The following KIF1A variants were observed in gnomAD, a reference collection of about 807,000 sequenced individuals.
KIF1A encodes kinesin family member 1A.
A neutral mutation model predicts 227.3 loss-of-function variants in KIF1A; 46 were observed. The ratio of observed to expected loss-of-function variants is 0.20; its 90% confidence interval spans 0.16 to 0.26. KIF1A has a LOEUF of 0.26. Among genes scored for constraint, KIF1A ranks in the 10% least tolerant of loss-of-function variants. The pLI is 1.00. For synonymous variants in KIF1A, 1,022 were observed against 1,012.8 expected, an observed-to-expected ratio of 1.01 and a Z score of -0.17; for missense variants, 1,683 against 2,485.9, an observed-to-expected ratio of 0.68 and a Z score of 6.87.
At chr2:240,802,098 A>C (rs77589509) in intron 1 of KIF1A, among the ~76,000 whole-genome samples, 4 of 58,634 alleles carry the variant, frequency 6.8e-5, no homozygotes, top group Non-Finnish European at 1.3e-4. Flanking sequence ...GTCAGCCAGA[A>C]AAAAAAAAAA....
chr2:240,764,246 C>T lies in KIF1A; in HGVS notation c.1769-900G>A, dbSNP rs181840993. ...TTCCTCTGTCCTCCCTGTCCACAGG[C>T]CGTATGCAGCCCACCTCGGACACTG... On this transcript the variant is annotated intron_variant, in intron 20 of 48. Coordinates refer to ENST00000498729, the MANE Select transcript of KIF1A (RefSeq NM_001244008.2). Among the ~76,000 whole-genome samples the T allele has an allele frequency of 8.5e-5, 13 of 152,306 alleles. No homozygotes were observed. In the East Asian group the frequency reaches 2.5e-3, roughly 29 times the overall value.
At chr2:240,721,252 T>C (rs1211581108) in intron 44 of KIF1A, among the ~76,000 whole-genome samples, 2 of 152,016 alleles carry the variant, frequency 1.3e-5, no homozygotes, top group African/African-American at 2.4e-5. Flanking sequence ...CACTTCAGGC[T>C]CTGGCCTGAC....
At chr2:240,782,173 G>A (rs2054129491) in intron 10 of KIF1A, 1 of 985,274 alleles carries the variant, frequency 1.0e-6, no homozygotes, top group Non-Finnish European at 1.2e-6. Flanking sequence ...ACACGCGCCC[G>A]CCTCCCCCTG....
At chr2:240,806,818 C>T (rs1438077911) in intron 1 of KIF1A, among the ~76,000 whole-genome samples, 3 of 151,958 alleles carry the variant, frequency 2.0e-5, no homozygotes, top group Non-Finnish European at 4.4e-5. Flanking sequence ...AATCTACCCA[C>T]AAAAAAAGGC....
chr2:240,765,670 C>T (rs2051083251), intron 20 of KIF1A, 40 bp downstream of exon 20: 1 of 1,517,022 alleles, frequency 6.6e-7, no homozygotes, highest in Admixed American at 1.7e-5. Flanking sequence ...CGCCTCATGC[C>T]TCTGCCTACC....
intron 27 of KIF1A, 73 bp from the exon 28 acceptor site, chr2:240,750,620 G>T: frequency 9.0e-7 from 1 of 1,107,720 alleles, no homozygotes; most frequent in Non-Finnish European, 1.4e-6. Flanking sequence ...GTGGCAGCAT[G>T]GCCTGGCTCA....
At chr2:240,782,181 C>T (rs1004115207) in intron 10 of KIF1A, 6 of 985,284 alleles carry the variant, frequency 6.1e-6, no homozygotes, top group African/African-American at 1.7e-5. Flanking sequence ...CCGCCTCCCC[C>T]TGTGGCCCCG....
intron 1 of KIF1A, among the ~76,000 whole-genome samples, chr2:240,811,688 G>A (rs1353736723): frequency 6.6e-6 from 1 of 152,176 alleles, no homozygotes; most frequent in Non-Finnish European, 1.5e-5. Context: ...GTCCTGTGGG[G>A]TGAGGTCACG....
At chr2:240,786,968 G>A (rs558915632) in intron 5 of KIF1A, among the ~76,000 whole-genome samples, 4 of 152,166 alleles carry the variant, frequency 2.6e-5, no homozygotes, top group Non-Finnish European at 4.4e-5. Flanking sequence ...CCCCAGCCAC[G>A]GCAGGCATGG....
intron 31 of KIF1A, 76 bp downstream of exon 31, chr2:240,745,662 C>T (rs911193785): frequency 3.9e-6 from 6 of 1,549,870 alleles, no homozygotes; most frequent in East Asian, 2.4e-5. Flanking sequence ...CTGCTCCCTG[C>T]CCAGCACCCA....
At position 240,775,783 on chromosome 2, in the gene KIF1A, T is replaced by C; in HGVS notation, c.958+68A>G. 1 of 1,077,452 alleles carries C rather than the reference T, an allele frequency of 9.3e-7. No homozygotes were observed. The highest frequency in any genetic ancestry group is 1.4e-6 in the Non-Finnish European group (1 of 692,898). The allele number at this position is 1,077,452 out of a possible 1,614,324, so 66.7% of individuals were successfully genotyped here. A position where few individuals can be genotyped will look rare whatever the true frequency, so the allele number is the denominator to read the frequency against. The stretch of plus-strand genomic sequence containing the variant: ...TGCTGGCGACTGGGCACCCCCTCAG[T>C]GGGGAAGAAGGGCACAGCCCAGGGT... On this transcript the variant is annotated intron_variant, in intron 11 of 48. Transcript: ENST00000498729. The surrounding 1 kb of genome is among the most constrained non-coding windows in gnomAD (Gnocchi z 5.5).
chr2:240,804,958 A>C (rs1055055037), intron 1 of KIF1A, among the ~76,000 whole-genome samples: 9 of 150,806 alleles, frequency 6.0e-5, no homozygotes, highest in African/African-American at 1.9e-4. Context: ...AAACACTGGG[A>C]GAAGCAATTC....
At chr2:240,801,165 A>C (rs2056929849) in intron 1 of KIF1A, among the ~76,000 whole-genome samples, 1 of 152,222 alleles carries the variant, frequency 6.6e-6, no homozygotes, top group South Asian at 2.1e-4. Context: ...AGAAAAAAAA[A>C]GACACATATC....
At chr2:240,729,080 A>G (rs948157837) in intron 38 of KIF1A, among the ~76,000 whole-genome samples, 5 of 152,162 alleles carry the variant, frequency 3.3e-5, no homozygotes, top group African/African-American at 1.2e-4. Context: ...GGTACATGTC[A>G]TCATCACTGT....
rs776221706 is a variant in KIF1A, at chr2:240,745,499, G to A, written c.3393C>T (p.Asp1131=). ...TCAGGGGCTCTGTGGAGAAGGCCTC[G>A]TCGTGGCGGTGGATGAAGCTGCAAA... ...FCQFNFIHRH[D]EAFSTEPLKN... is the part of the protein sequence containing the mutation. The change falls in exon 32 of 49, where the codon GAC becomes GAT. Residue 1131 remains aspartate, a synonymous_variant. Transcript: ENST00000498729. 24 of 1,611,900 alleles carry A rather than the reference G, an allele frequency of 1.5e-5. No individual in the cohort carries two copies. The South Asian group carries it at 1.9e-4, about 13-fold the overall frequency.
chr2:240,818,302 C>T (rs1040790215), intron 1 of KIF1A, among the ~76,000 whole-genome samples: 6 of 152,200 alleles, frequency 3.9e-5, no homozygotes, highest in Non-Finnish European at 8.8e-5. Context: ...CGAGACTTCA[C>T]CCCGGGTAAA....
chr2:240,740,022 C>CCCCA lies in KIF1A; in HGVS notation c.3901+32_3901+35dup. 1.3e-6 allele frequency: 2 copies of CCCCA among 1,522,726 alleles called. No individual in the cohort carries two copies. The highest frequency in any genetic ancestry group is 2.4e-5 in the South Asian group (2 of 83,712). 94.3% of individuals were successfully genotyped at this position (1,522,726 alleles called of 1,614,324 possible). A position where few individuals can be genotyped will look rare whatever the true frequency, so the allele number is the denominator to read the frequency against. ...GCCTGTACTCTTCCCACCAGCTCAG[C>CCCCA]CCCACCCACCAAGGCAGCCCCCACA... On this transcript the variant is annotated intron_variant, in intron 37 of 48. Coordinates refer to ENST00000498729, the MANE Select transcript of KIF1A (RefSeq NM_001244008.2). The surrounding 1 kb of genome is among the most constrained non-coding windows in gnomAD (Gnocchi z 6.1).
chr2:240,717,942 G>T, intron 48 of KIF1A, 108 bp downstream of exon 48: 1 of 754,030 alleles, frequency 1.3e-6, no homozygotes. Flanking sequence ...CAGGACCCCT[G>T]GGAGAGCAGT....
At chr2:240,781,814 G>T in intron 10 of KIF1A, 1 of 985,186 alleles carries the variant, frequency 1.0e-6, no homozygotes, top group Non-Finnish European at 1.2e-6. Context: ...TCGCCACACC[G>T]TTCTCCACAG....
Sources: allele counts gnomAD v4.1 joint callset (sites outside exome capture counted in the v4.1 genomes callset), GRCh38; gene constraint gnomAD v4.1.1; non-coding constraint Gnocchi (gnomAD v3.1); transcripts MANE v1.5; gene names NCBI Gene and HGNC (gene_info 2026-07-23, HGNC 2026-07-21).